PTPN7: variants seen among roughly 807,000 people sequenced by gnomAD.
PTPN7 encodes tyrosine-protein phosphatase non-receptor type 7.
A neutral mutation model predicts 50.3 loss-of-function variants in PTPN7; 33 were observed. The observed-to-expected ratio is 0.66, with a 90% CI of 0.50 to 0.88. PTPN7 has a LOEUF of 0.88. Ranked by LOEUF, PTPN7 falls within the 40% of genes least tolerant of loss-of-function variation. The pLI is 0.00. For synonymous variants in PTPN7, 185 were observed against 186.6 expected (o/e 0.99, Z 0.07); for missense variants, 412 against 475.4 (o/e 0.87, Z 1.24).
At chr1:202,149,480 A>G (rs1318793550) in intron 9 of PTPN7, among the ~76,000 whole-genome samples, 1 of 152,172 alleles carries the variant, frequency 6.6e-6, no homozygotes, top group Non-Finnish European at 1.5e-5. Flanking sequence ...TGGGGGAAGG[A>G]GCCATTATCT....
intron 9 of PTPN7, 24 bp from the exon 10 acceptor site, chr1:202,148,723 A>G: frequency 1.2e-6 from 2 of 1,605,046 alleles, no homozygotes; most frequent in South Asian, 1.1e-5. Context: ...CACACAGACC[A>G]TGAGTGAAGG....
intron 9 of PTPN7, 119 bp from the exon 10 acceptor site, chr1:202,148,818 C>A: frequency 3.4e-6 from 2 of 594,204 alleles, no homozygotes; most frequent in African/African-American, 1.9e-5. Flanking sequence ...AAGAACATGC[C>A]AACTCCTTTG....
chr1:202,159,203 G>C lies in PTPN7; in HGVS notation c.122+78C>G. 7.0e-7 allele frequency: 1 copy of C among 1,436,986 alleles called. No individual in the cohort carries two copies. Among genetic ancestry groups the C allele is most frequent in the Non-Finnish European group, 9.7e-7 (1 of 1,030,800 alleles). The allele number at this position is 1,436,986 out of a possible 1,614,324, so 89.0% of individuals were successfully genotyped here. A position where few individuals can be genotyped will look rare whatever the true frequency, so the allele number is the denominator to read the frequency against. ...CCTCTGGACCCTGCTGTCAGAGCTGGAGGGGCAGATGGAAGGAAGGGAGGA... is the reference window on the plus strand; with the variant it reads ...CCTCTGGACCCTGCTGTCAGAGCTGCAGGGGCAGATGGAAGGAAGGGAGGA... On this transcript the variant is annotated intron_variant, in intron 2 of 9. Transcript: ENST00000691036. The surrounding 1 kb of genome is among the most constrained non-coding windows in gnomAD (Gnocchi z 4.6).
Position 202,159,692 on chromosome 1 carries a change from A to G in PTPN7, c.-52-238T>C, listed in dbSNP as rs945563430. ...GTAGAGATTGTGGATGAAGATAGGA[A>G]AGAATCCAGAAGGAGGAAAAGAGAG... On this transcript the variant is annotated intron_variant, in intron 1 of 9. Transcript: ENST00000691036. The surrounding 1 kb of genome is among the most constrained non-coding windows in gnomAD (Gnocchi z 4.6). 22 of 1,370,082 alleles carry G rather than the reference A, an allele frequency of 1.6e-5. No homozygotes were observed. In the African/African-American group the frequency reaches 2.2e-4, roughly 14 times the overall value. The allele number at this position is 1,370,082 out of a possible 1,614,324, so 84.9% of individuals were successfully genotyped here.
rs1413820375 is a variant in PTPN7 at position 202,158,076 on chromosome 1, T to C, written c.306+42A>G. ...AATGGTTCCAGCTGGCTGCCTCTGA[T>C]ACAGAGGGCAGAGCGATTCAGAGGG... On this transcript the variant is annotated intron_variant, in intron 3 of 9. Transcript: ENST00000691036. 4 of 1,526,330 alleles carry C rather than the reference T, an allele frequency of 2.6e-6. No homozygotes were observed. The African/African-American group carries it at 5.5e-5, about 21-fold the overall frequency. The allele number at this position is 1,526,330 out of a possible 1,614,324, so 94.5% of individuals were successfully genotyped here. A position where few individuals can be genotyped will look rare whatever the true frequency, so the allele number is the denominator to read the frequency against.
At position 202,148,424 on chromosome 1, in the gene PTPN7, C is replaced by G; in HGVS notation, c.*182G>C. Reference sequence around the variant, plus strand: ...CAGAGGAGTGGCCAGTGTTGAAGACCTGGAATCCGGCCCCTTGTCCTTACT... The same window carrying G: ...CAGAGGAGTGGCCAGTGTTGAAGACGTGGAATCCGGCCCCTTGTCCTTACT... On this transcript the variant is annotated 3_prime_UTR_variant, in exon 10 of 10. Coordinates refer to ENST00000691036, the MANE Select transcript of PTPN7 (RefSeq NM_002832.4). The G allele has an allele frequency of 1.9e-6, 1 of 537,916 alleles. No homozygotes were observed. The highest frequency in any genetic ancestry group is 2.7e-5 in the South Asian group (1 of 37,272). 33.3% of individuals were successfully genotyped at this position (537,916 alleles called of 1,614,324 possible). A position where few individuals can be genotyped will look rare whatever the true frequency, so the allele number is the denominator to read the frequency against.
At position 202,150,394 on chromosome 1, in the gene PTPN7, G is replaced by C; in HGVS notation, c.906C>G (p.Ile302Met). The C allele has an allele frequency of 6.2e-7, 1 of 1,611,556 alleles. No homozygotes were observed. Among genetic ancestry groups the C allele is most frequent in the South Asian group, 1.1e-5 (1 of 90,464 alleles). Reference protein sequence around the residue: ...SAGIGRTGCFIATRIGCQQLK... With the variant: ...SAGIGRTGCFMATRIGCQQLK... Reference sequence around the variant, plus strand: ...GCTGTTGACAGCCAATTCGCGTGGCGATGAAGCAGCCCGTCCGGCCAATCC... The same window carrying C: ...GCTGTTGACAGCCAATTCGCGTGGCCATGAAGCAGCCCGTCCGGCCAATCC... The change falls in exon 9 of 10, where the codon ATC becomes ATG. Residue 302 changes from isoleucine (I) to methionine (M), a missense_variant. Ile to Met is a conservative substitution (Grantham distance 10, BLOSUM62 1). Coordinates refer to ENST00000691036, the MANE Select transcript of PTPN7 (RefSeq NM_002832.4).
upstream of PTPN7, chr1:202,160,656 C>A: frequency 6.4e-7 from 1 of 1,550,642 alleles, no homozygotes; most frequent in South Asian, 1.2e-5. This position sits in a 1 kb window ranked among gnomAD's most constrained non-coding sequence, Gnocchi z 4.8. Context: ...TCCGCCCCTC[C>A]TTGCTGCCAC....
At chr1:202,152,353 C>T (rs962662694) in intron 8 of PTPN7, among the ~76,000 whole-genome samples, 189 bp downstream of exon 8, 7 of 152,226 alleles carry the variant, frequency 4.6e-5, no homozygotes, top group African/African-American at 1.4e-4. Context: ...GTGTCCAGCC[C>T]AGATGTCTGG....
At chr1:202,153,599 A>G (rs1656292949) in intron 7 of PTPN7, 126 bp downstream of exon 7, 1 of 725,628 alleles carries the variant, frequency 1.4e-6, no homozygotes, top group Non-Finnish European at 2.4e-6. Flanking sequence ...TCTTTCTGCT[A>G]TAGATGTGGG....
In PTPN7 at chr1:202,154,333, G is replaced by A. The variant is rs1294187649; in HGVS notation, c.469-10C>T. 6.2e-7 allele frequency: 1 copy of A among 1,606,882 alleles called. No homozygotes were observed. Among genetic ancestry groups the A allele is most frequent in the Admixed American group, 1.7e-5 (1 of 59,654 alleles). ...CCTTCCCGTCATAGCCCTGGAAGGT[G>A]GAAGCACAGGGGAAGGGGTGGGGAG... is the stretch of plus-strand genomic sequence containing the variant. On this transcript the variant is annotated splice_polypyrimidine_tract_variant and intron_variant, in intron 5 of 9. Transcript: ENST00000691036.
In PTPN7 at chr1:202,159,898, T is replaced by G; in HGVS notation, c.-52-444A>C. On this transcript the variant is annotated intron_variant, in intron 1 of 9. Transcript: ENST00000691036. The surrounding 1 kb of genome is among the most constrained non-coding windows in gnomAD (Gnocchi z 4.6). Reference sequence around the variant, plus strand: ...CAGAGAATGGAGGCCTCCAGCAGTGTTGGAGCTGGTTGGGCAGCCAGGCAG... The same window carrying G: ...CAGAGAATGGAGGCCTCCAGCAGTGGTGGAGCTGGTTGGGCAGCCAGGCAG... 1 of 1,016,306 alleles carries G rather than the reference T, an allele frequency of 9.8e-7. No homozygotes were observed. Among genetic ancestry groups the G allele is most frequent in the Non-Finnish European group, 1.2e-6 (1 of 849,704 alleles). 63.0% of individuals were successfully genotyped at this position (1,016,306 alleles called of 1,614,324 possible).
upstream of PTPN7, chr1:202,161,037 A>G (rs1657326331): frequency 2.9e-6 from 4 of 1,386,502 alleles, no homozygotes; most frequent in Non-Finnish European, 3.7e-6. Flanking sequence ...CTCTCCCTCA[A>G]GGCCCTCTCC....
intron 5 of PTPN7, among the ~76,000 whole-genome samples, chr1:202,154,876 A>T (rs1257744532): frequency 6.6e-6 from 1 of 152,180 alleles, no homozygotes; most frequent in Non-Finnish European, 1.5e-5. Flanking sequence ...GCTTCTCAAG[A>T]TGGTGAAATC....
At chr1:202,158,508 A>G (rs1018564441) in intron 2 of PTPN7, 1 of 534,050 alleles carries the variant, frequency 1.9e-6, no homozygotes, top group South Asian at 2.6e-5. Context: ...CCACAGGTAC[A>G]TGCTACCACA....
At position 202,154,182 on chromosome 1, in the gene PTPN7, C is replaced by G. The variant is rs1050080068; in HGVS notation, c.606+4G>C. ...TCATCATGAACTGTGGCTCTGCCTCCTACCTCCTTGCCCTCTCGGAGCTGA... is the reference window on the plus strand; with the variant it reads ...TCATCATGAACTGTGGCTCTGCCTCGTACCTCCTTGCCCTCTCGGAGCTGA... On this transcript the variant is annotated splice_donor_region_variant and intron_variant, in intron 6 of 9. Coordinates refer to ENST00000691036, the MANE Select transcript of PTPN7 (RefSeq NM_002832.4). 5.0e-6 allele frequency: 8 copies of G among 1,613,828 alleles called. No individual in the cohort carries two copies. The African/African-American group carries it at 9.3e-5, about 19-fold the overall frequency.
upstream of PTPN7, chr1:202,160,708 G>GCCGCCAA: frequency 6.4e-7 from 1 of 1,550,402 alleles, no homozygotes; most frequent in Non-Finnish European, 8.7e-7. This position sits in a 1 kb window ranked among gnomAD's most constrained non-coding sequence, Gnocchi z 4.8. Flanking sequence ...TGTGCCTGCT[G>GCCGCCAA]CCGCTGCCAC....
At position 202,150,435 on chromosome 1, in the gene PTPN7, C is replaced by A. The variant is rs1655871022; in HGVS notation, c.876-11G>T. 4 of 1,597,250 alleles carry A rather than the reference C, an allele frequency of 2.5e-6. No homozygotes were observed. In the African/African-American group the frequency reaches 5.4e-5, roughly 21 times the overall value. Reference sequence around the variant, plus strand: ...CGGCCAATCCCTGCACTGGAGATAGCCAGGGAGGGGACAGGGAGGTCATGG... The same window carrying A: ...CGGCCAATCCCTGCACTGGAGATAGACAGGGAGGGGACAGGGAGGTCATGG... On this transcript the variant is annotated splice_polypyrimidine_tract_variant and intron_variant, in intron 8 of 9. Transcript: ENST00000691036.
Position 202,153,800 on chromosome 1 carries a change from G to A in PTPN7, c.642C>T (p.Thr214=), listed in dbSNP as rs1250002647. ...GGATGCGGATCTGGAAGGGTCCATA[G>A]GTTTCCTCTTCTGTGGGCCAGTAGT... ...CVHYWPTEEE[T]YGPFQIRIQD... The change falls in exon 7 of 10, where the codon ACC becomes ACT. Residue 214 remains threonine (T), a synonymous_variant. Transcript: ENST00000691036. The A allele has an allele frequency of 6.2e-7, 1 of 1,614,102 alleles. No individual in the cohort carries two copies.
Sources: gnomAD v4.1 joint callset for allele counts (sites outside exome capture counted in the v4.1 genomes callset) on GRCh38, gnomAD v4.1.1 for gene constraint, Gnocchi (gnomAD v3.1) non-coding constraint, MANE v1.5 for transcripts, NCBI Gene and HGNC (gene_info 2026-07-23, HGNC 2026-07-21) for gene names.